Variants in MSRB3 observed in about 807,000 individuals in gnomAD.
The protein encoded by MSRB3 is methionine-R-sulfoxide reductase B3.
In MSRB3, 13 loss-of-function variants were observed where a neutral mutation model predicts 21.0. The ratio of observed to expected loss-of-function variants is 0.62; its 90% CI spans 0.40 to 0.98. The LOEUF (loss-of-function observed/expected upper bound fraction) is 0.98. MSRB3 is among the 50% of genes least tolerant of loss of function. The pLI is 0.00. For missense variants in MSRB3, 199 were observed against 230.3 expected (o/e 0.86, Z 0.88); for synonymous variants, 87 against 88.6 (o/e 0.98, Z 0.10).
At chr12:65,390,762 A>G (rs1223439750) in intron 5 of MSRB3, among the ~76,000 whole-genome samples, 1 of 152,178 alleles carries the variant, frequency 6.6e-6, no homozygotes, top group Non-Finnish European at 1.5e-5. Context: ...TACTCTCTAC[A>G]TGGAAAAAAT....
At chr12:65,279,136 C>A in intron 1 of MSRB3, 1 of 1,287,952 alleles carries the variant, frequency 7.8e-7, no homozygotes, top group Non-Finnish European at 1.0e-6. Flanking sequence ...ACACCTTATC[C>A]TGTCCCGGGA....
intron 5 of MSRB3, among the ~76,000 whole-genome samples, chr12:65,429,781 A>G (rs1173591479): frequency 6.6e-6 from 1 of 152,206 alleles, no homozygotes. Flanking sequence ...TAATGAATTC[A>G]GGATGATGTG....
intron 3 of MSRB3, among the ~76,000 whole-genome samples, chr12:65,328,202 G>A (rs1222113190): frequency 1.3e-5 from 2 of 151,942 alleles, no homozygotes; most frequent in African/African-American, 4.8e-5. Context: ...CTGTAAAGTA[G>A]CAAAATCTTA....
At position 65,425,085 on chromosome 12, in the gene MSRB3, T is replaced by C. The variant is rs1029914319; in HGVS notation, c.293-28643T>C. Among the ~76,000 whole-genome samples, 6 of 4,534 alleles carry C rather than the reference T, an allele frequency of 1.3e-3. No homozygotes were observed. In the East Asian group the frequency reaches 0.11, roughly 86 times the overall value. 3.0% of individuals were successfully genotyped at this position (4,534 alleles called of 152,430 possible). On this transcript the variant is annotated intron_variant, in intron 5 of 6. Transcript: ENST00000308259. ...ACAGTAGTTATATGCTCTTGAAGAATTGACTGCTTTATCGTTATATAATGG... is the reference window on the plus strand; with the variant it reads ...ACAGTAGTTATATGCTCTTGAAGAACTGACTGCTTTATCGTTATATAATGG...
chr12:65,325,775 C>T (rs1218701584), intron 2 of MSRB3, among the ~76,000 whole-genome samples: 1 of 152,184 alleles, frequency 6.6e-6, no homozygotes, highest in South Asian at 2.1e-4. Flanking sequence ...GGACCATCTG[C>T]AGGCCTCTTT....
intron 4 of MSRB3, among the ~76,000 whole-genome samples, chr12:65,365,823 A>G (rs1481084557): frequency 1.3e-5 from 2 of 152,216 alleles, no homozygotes; most frequent in Non-Finnish European, 2.9e-5. Flanking sequence ...TTTGTCTTCC[A>G]CCAAAAGACT....
chr12:65,333,815 C>G (rs1875583827), intron 4 of MSRB3, among the ~76,000 whole-genome samples: 1 of 152,154 alleles, frequency 6.6e-6, no homozygotes, highest in Non-Finnish European at 1.5e-5. Context: ...GTGAATTTCA[C>G]AATGGCAAAG....
intron 1 of MSRB3, among the ~76,000 whole-genome samples, chr12:65,302,373 TC>T (rs1319504991): frequency 2.0e-5 from 3 of 152,170 alleles, no homozygotes; most frequent in African/African-American, 7.2e-5. Context: ...CAATTCTCTT[TC>T]CTGTGAAATT....
In MSRB3 at chr12:65,303,260, A is replaced by C. The variant is rs572957554; in HGVS notation, c.-51-5269A>C. On this transcript the variant is annotated intron_variant, in intron 1 of 6. Transcript: ENST00000308259. The stretch of plus-strand genomic sequence containing the variant: ...AGTTCTCTAGATTCCTTTTTATACC[A>C]TCTCTTTTTGGAAGATTAGTGTTCA... Among the ~76,000 whole-genome samples the C allele has an allele frequency of 1.3e-4, 20 of 152,248 alleles. 1 individual carries two copies. The South Asian group carries it at 4.1e-3, about 32-fold the overall frequency.
At chr12:65,346,177 T>A (rs1364090734) in intron 4 of MSRB3, among the ~76,000 whole-genome samples, 33 of 152,258 alleles carry the variant, frequency 2.2e-4, no homozygotes, top group South Asian at 6.2e-4. Flanking sequence ...TCCACAATGG[T>A]TGAACTAGTT....
chr12:65,366,133 C>G (rs1877998388), intron 4 of MSRB3, among the ~76,000 whole-genome samples: 1 of 152,184 alleles, frequency 6.6e-6, no homozygotes, highest in African/African-American at 2.4e-5. Context: ...CTCACCCTCA[C>G]AGGAGGGTTT....
chr12:65,279,250 C>A, intron 1 of MSRB3: 1 of 238,510 alleles, frequency 4.2e-6, no homozygotes, highest in Admixed American at 5.8e-5. Flanking sequence ...TCCCGGAGCC[C>A]TCTGCTCTGT....
intron 5 of MSRB3, among the ~76,000 whole-genome samples, chr12:65,382,302 A>T (rs1878979262): frequency 6.6e-6 from 1 of 152,058 alleles, no homozygotes; most frequent in African/African-American, 2.4e-5. Context: ...TCTACCAAAA[A>T]TAGTAACCCT....
At chr12:65,288,303 C>A (rs1216193264) in intron 1 of MSRB3, among the ~76,000 whole-genome samples, 2 of 148,594 alleles carry the variant, frequency 1.3e-5, no homozygotes, top group Admixed American at 6.6e-5. Context: ...CCCCGTCCCC[C>A]CCGCAAAAAA....
At chr12:65,452,306 A>AT (rs1438476793) in intron 5 of MSRB3, among the ~76,000 whole-genome samples, 1 of 152,114 alleles carries the variant, frequency 6.6e-6, no homozygotes, top group African/African-American at 2.4e-5. Context: ...AAATGACTTT[A>AT]TTTTTCAATG....
At chr12:65,411,733 A>G (rs2035829359) in intron 5 of MSRB3, among the ~76,000 whole-genome samples, 1 of 149,486 alleles carries the variant, frequency 6.7e-6, no homozygotes, top group African/African-American at 2.4e-5. Flanking sequence ...GATTTATAAT[A>G]TATATACAGT....
intron 4 of MSRB3, among the ~76,000 whole-genome samples, chr12:65,362,092 G>T (rs1682097238): frequency 6.6e-6 from 1 of 152,110 alleles, no homozygotes; most frequent in Non-Finnish European, 1.5e-5. Flanking sequence ...GACTGGCAAT[G>T]CCAGACCCTA....
chr12:65,453,737 C>T lies in MSRB3; in HGVS notation c.302C>T (p.Ser101Leu). The change falls in exon 6 of 7, where the codon TCA becomes TTA. Residue 101 changes from serine to leucine, a missense_variant. Coordinates refer to ENST00000308259, the MANE Select transcript of MSRB3 (RefSeq NM_001031679.3). ...TKFDSGSGWP[S>L]FHDVINSEAI... ...GCCTGCTGTGTCCCAGGTTGGCCTTCATTCCACGATGTGATCAATTCTGAG... is the reference window on the plus strand; with the variant it reads ...GCCTGCTGTGTCCCAGGTTGGCCTTTATTCCACGATGTGATCAATTCTGAG... 1 of 1,613,996 alleles carries T rather than the reference C, an allele frequency of 6.2e-7. No homozygotes were observed. Among genetic ancestry groups the T allele is most frequent in the Non-Finnish European group, 8.5e-7 (1 of 1,179,902 alleles).
intron 5 of MSRB3, among the ~76,000 whole-genome samples, chr12:65,424,357 T>C (rs1421528245): frequency 6.6e-6 from 1 of 152,098 alleles, no homozygotes; most frequent in Non-Finnish European, 1.5e-5. Context: ...GCTATCTTTT[T>C]GCCTAGTTTG....
Sources: gnomAD v4.1 joint callset for allele counts (sites outside exome capture counted in the v4.1 genomes callset) on GRCh38, gnomAD v4.1.1 for gene constraint, MANE v1.5 for transcripts, NCBI Gene and HGNC (gene_info 2026-07-23, HGNC 2026-07-21) for gene names.